COBL: variants seen among roughly 807,000 people sequenced by gnomAD.
COBL encodes cordon-bleu WH2 repeat protein, also known as protein cordon-bleu.
In COBL, 51 loss-of-function variants were observed where a neutral mutation model predicts 98.8. The observed-to-expected ratio is 0.52, with a 90% CI of 0.41 to 0.65. The LOEUF is 0.65. COBL is among the 30% of genes least tolerant of loss of function. The pLI is 0.00. For synonymous variants in COBL, 634 were observed against 651.7 expected (o/e 0.97, Z 0.41); for missense variants, 1,617 against 1,617.5 (o/e 1.00, Z 0.01).
intron 6 of COBL, among the ~76,000 whole-genome samples, chr7:51,106,490 G>A (rs1282360190): frequency 1.3e-5 from 2 of 152,142 alleles, no homozygotes; most frequent in African/African-American, 4.8e-5. Flanking sequence ...TCCGAAACAA[G>A]AAAAGAGTTC....
At chr7:51,093,607 C>T (rs999322570) in intron 6 of COBL, among the ~76,000 whole-genome samples, 2 of 152,166 alleles carry the variant, frequency 1.3e-5, no homozygotes, top group Non-Finnish European at 2.9e-5. Flanking sequence ...CAACTATCCC[C>T]ACAGCAGGGC....
At chr7:51,052,517 G>A (rs1255711146) in intron 7 of COBL, among the ~76,000 whole-genome samples, 1 of 152,204 alleles carries the variant, frequency 6.6e-6, no homozygotes, top group Non-Finnish European at 1.5e-5. Flanking sequence ...ACCTTTGAGG[G>A]AAGTGTGGGG....
intron 7 of COBL, chr7:51,070,921 C>T (rs1792481058): frequency 6.6e-6 from 1 of 152,218 alleles, no homozygotes; most frequent in Non-Finnish European, 1.5e-5. Flanking sequence ...AGATGGCAAA[C>T]ATTATCATAT....
chr7:51,185,447 TTCA>T (rs947977046), intron 4 of COBL, among the ~76,000 whole-genome samples: 2 of 152,302 alleles, frequency 1.3e-5, no homozygotes, highest in African/African-American at 4.8e-5. Flanking sequence ...CCTCAGCAGC[TTCA>T]TCTGCAGGTT....
Position 51,082,263 on chromosome 7 carries a change from G to A in COBL, c.1096+2903C>T, listed in dbSNP as rs781580724. Among the ~76,000 whole-genome samples the A allele has an allele frequency of 4.7e-4, 71 of 152,186 alleles. 1 individual carries two copies. The highest frequency in any genetic ancestry group is 3.9e-4 in the Admixed American group (6 of 15,280). ...ATGCACAGTGATATTGCGCTGCTCC[G>A]TGTACACAGCCCAGGATGGCACTTG... On this transcript the variant is annotated intron_variant, in intron 7 of 12. Coordinates refer to ENST00000265136, the MANE Select transcript of COBL (RefSeq NM_015198.5).
rs747950142 is a variant in COBL, at chr7:51,028,022, T to C, written c.3074A>G (p.His1025Arg). 1.6e-5 allele frequency: 25 copies of C among 1,604,622 alleles called. No homozygotes were observed. Among genetic ancestry groups the C allele is most frequent in the East Asian group, 1.1e-4 (5 of 44,798 alleles). ...APDGTDPPPP[H>R]TSDTQACSRE... ...GCTGCAGGCCTGAGTGTCAGATGTG[T>C]GTGGAGGGGGTGGGTCTGTACCATC... The change falls in exon 10 of 13, where the codon CAC becomes CGC. Residue 1025 changes from histidine (H) to arginine (R), a missense_variant. This residue lies in a region of COBL where 1,304 missense variants were observed against 1,282.0 expected (regional missense o/e 1.02). Coordinates refer to ENST00000265136, the MANE Select transcript of COBL (RefSeq NM_015198.5).
At chr7:51,308,243 T>C (rs1802672708) in intron 1 of COBL, among the ~76,000 whole-genome samples, 1 of 152,202 alleles carries the variant, frequency 6.6e-6, no homozygotes, top group Admixed American at 6.5e-5. Context: ...ATTAGCCACA[T>C]GAACAAAAGT....
At chr7:51,287,948 T>C (rs1305902699) in intron 1 of COBL, among the ~76,000 whole-genome samples, 3 of 152,192 alleles carry the variant, frequency 2.0e-5, no homozygotes, top group East Asian at 1.9e-4. Flanking sequence ...ATTCCATTTA[T>C]AGGGCATTCT....
At chr7:51,158,942 T>C (rs1024274591) in intron 5 of COBL, among the ~76,000 whole-genome samples, 2 of 151,826 alleles carry the variant, frequency 1.3e-5, no homozygotes, top group Admixed American at 1.3e-4. Context: ...GTGCAGGGGC[T>C]GTGTGGGCAG....
chr7:51,308,022 T>C (rs979794612), intron 1 of COBL, among the ~76,000 whole-genome samples: 26 of 152,296 alleles, frequency 1.7e-4, no homozygotes, highest in Admixed American at 1.5e-3. Context: ...CCAAAACCAA[T>C]TCTACCTGGT....
At chr7:51,191,925 C>T (rs1171613681) in intron 3 of COBL, among the ~76,000 whole-genome samples, 2 of 152,184 alleles carry the variant, frequency 1.3e-5, no homozygotes, top group African/African-American at 2.4e-5. Flanking sequence ...CGTACCAGGG[C>T]CCAGTGGCTG....
At chr7:51,262,699 T>A (rs999108874) in intron 1 of COBL, among the ~76,000 whole-genome samples, 9 of 152,162 alleles carry the variant, frequency 5.9e-5, no homozygotes, top group Non-Finnish European at 1.0e-4. Flanking sequence ...CAGATGTGTG[T>A]GAAGACATGC....
chr7:51,021,872 T>G (rs947134668), intron 12 of COBL, among the ~76,000 whole-genome samples: 1 of 152,034 alleles, frequency 6.6e-6, no homozygotes, highest in Non-Finnish European at 1.5e-5. Context: ...CACAAATGAG[T>G]AGACAGGGCA....
intron 4 of COBL, among the ~76,000 whole-genome samples, chr7:51,189,930 C>T (rs1046918341): frequency 6.6e-6 from 1 of 152,186 alleles, no homozygotes; most frequent in African/African-American, 2.4e-5. Flanking sequence ...ACATAACAGT[C>T]TCTGCACCAG....
At chr7:51,149,502 A>C (rs897670951) in intron 5 of COBL, among the ~76,000 whole-genome samples, 5 of 152,144 alleles carry the variant, frequency 3.3e-5, no homozygotes, top group Non-Finnish European at 7.4e-5. Context: ...AAGCAAATAA[A>C]CTGATTTTCT....
Position 51,190,845 on chromosome 7 carries a change from C to T in COBL, c.685+5G>A. The T allele has an allele frequency of 6.2e-7, 1 of 1,612,548 alleles. No homozygotes were observed. The highest frequency in any genetic ancestry group is 1.1e-5 in the South Asian group (1 of 90,834). On this transcript the variant is annotated splice_donor_5th_base_variant and intron_variant, in intron 4 of 12. Transcript: ENST00000265136. ...GCAGGTGCGTGAGACGCAGCGGGGCCTCACCTCTTCTGTTGTCCCACGCGT... is the reference window on the plus strand; with the variant it reads ...GCAGGTGCGTGAGACGCAGCGGGGCTTCACCTCTTCTGTTGTCCCACGCGT...
At chr7:51,220,496 C>T (rs1372742670) in intron 1 of COBL, among the ~76,000 whole-genome samples, 1 of 152,174 alleles carries the variant, frequency 6.6e-6, no homozygotes, top group African/African-American at 2.4e-5. Context: ...GGCTGTTTGG[C>T]AGGGAAAGGA....
intron 6 of COBL, among the ~76,000 whole-genome samples, chr7:51,123,997 T>G (rs1239494029): frequency 6.6e-6 from 1 of 152,206 alleles, no homozygotes; most frequent in Non-Finnish European, 1.5e-5. Flanking sequence ...CTGGCAGTAG[T>G]AGCAGCCCTG....
chr7:51,153,702 A>C (rs1475822211), intron 5 of COBL, among the ~76,000 whole-genome samples: 2 of 152,188 alleles, frequency 1.3e-5, no homozygotes, highest in African/African-American at 4.8e-5. Flanking sequence ...GGACAAGACC[A>C]TGGAAGCTGC....
Sources: allele counts gnomAD v4.1 joint callset (sites outside exome capture counted in the v4.1 genomes callset), GRCh38; gene constraint gnomAD v4.1.1; regional missense constraint gnomAD v4.1.1; transcripts MANE v1.5; gene names NCBI Gene and HGNC (gene_info 2026-07-23, HGNC 2026-07-21).